KIAA1217: variants seen among roughly 807,000 people sequenced by gnomAD.
The protein encoded by KIAA1217 is KIAA1217.
Under a neutral mutation model 163.9 loss-of-function variants are expected in KIAA1217, and 88 were observed. The ratio of observed to expected loss-of-function variants is 0.54; its 90% CI spans 0.45 to 0.64. The LOEUF (loss-of-function observed/expected upper bound fraction) is 0.64, where lower values mean the gene tolerates loss of function less well. Among genes scored for constraint, KIAA1217 ranks in the 30% least tolerant of loss-of-function variants. KIAA1217 has a pLI of 0.00. For missense variants in KIAA1217, 2,372 were observed against 2,475.0 expected, an observed-to-expected ratio of 0.96 and a Z score of 0.88; for synonymous variants, 903 against 923.1, an observed-to-expected ratio of 0.98 and a Z score of 0.39.
At chr10:23,954,516 G>A (rs779619702) in intron 1 of KIAA1217, among the ~76,000 whole-genome samples, 5 of 151,934 alleles carry the variant, frequency 3.3e-5, no homozygotes, top group Non-Finnish European at 7.4e-5. Context: ...AGTGAGCCAT[G>A]AGCATGCCAC....
At chr10:24,240,385 T>C (rs1233675131) in intron 2 of KIAA1217, among the ~76,000 whole-genome samples, 1 of 152,220 alleles carries the variant, frequency 6.6e-6, no homozygotes, top group Admixed American at 6.5e-5. Flanking sequence ...TAGGAATAAG[T>C]GGATAGGCTT....
intron 1 of KIAA1217, among the ~76,000 whole-genome samples, chr10:23,700,830 C>A (rs1238353730): frequency 1.3e-5 from 2 of 152,184 alleles, no homozygotes; most frequent in Non-Finnish European, 2.9e-5. Flanking sequence ...CCTTTTAGCT[C>A]TTTGGCTATA....
intron 8 of KIAA1217, among the ~76,000 whole-genome samples, chr10:24,495,458 G>A (rs182823918): frequency 3.9e-5 from 6 of 152,162 alleles, no homozygotes; most frequent in South Asian, 2.1e-4. Context: ...TTGCAGACAC[G>A]GGGCTGCCTG....
At chr10:23,990,548 A>G (rs1846175619) in intron 1 of KIAA1217, among the ~76,000 whole-genome samples, 1 of 152,114 alleles carries the variant, frequency 6.6e-6, no homozygotes, top group Non-Finnish European at 1.5e-5. Flanking sequence ...TCTTCTAATG[A>G]TTAGTCATAT....
chr10:24,220,754 C>CG (rs1204074737), intron 2 of KIAA1217, among the ~76,000 whole-genome samples: 4 of 74,204 alleles, frequency 5.4e-5, no homozygotes, highest in Non-Finnish European at 9.5e-5. Context: ...GCACCCCGGC[C>CG]TTTTTTTTTT....
At chr10:23,855,228 A>C (rs1839587931) in intron 1 of KIAA1217, among the ~76,000 whole-genome samples, 1 of 152,132 alleles carries the variant, frequency 6.6e-6, no homozygotes, top group African/African-American at 2.4e-5. Flanking sequence ...AAAATCTCTC[A>C]GCATTTGCTT....
chr10:24,231,879 A>C (rs2071466895), intron 2 of KIAA1217, among the ~76,000 whole-genome samples: 1 of 151,532 alleles, frequency 6.6e-6, no homozygotes, highest in Non-Finnish European at 1.5e-5. Context: ...GCTCACTGCA[A>C]CCTCCACCTC....
intron 2 of KIAA1217, among the ~76,000 whole-genome samples, chr10:24,366,115 A>G (rs1189971474): frequency 6.6e-6 from 1 of 152,192 alleles, no homozygotes; most frequent in Non-Finnish European, 1.5e-5. Flanking sequence ...GTCACAAAAA[A>G]ATATTTCACT....
intron 8 of KIAA1217, among the ~76,000 whole-genome samples, chr10:24,500,346 C>T (rs896725427): frequency 5.0e-5 from 6 of 119,286 alleles, no homozygotes; most frequent in African/African-American, 1.7e-4. Context: ...TGTGTGTGTG[C>T]GTGTCTTTAT....
chr10:23,889,294 G>C (rs1255248399), intron 1 of KIAA1217, among the ~76,000 whole-genome samples: 1 of 151,780 alleles, frequency 6.6e-6, no homozygotes, highest in Non-Finnish European at 1.5e-5. Flanking sequence ...AGTTTCAGTA[G>C]CTCTTCATCC....
intron 2 of KIAA1217, among the ~76,000 whole-genome samples, chr10:24,351,637 G>T (rs575484365): frequency 6.6e-6 from 1 of 152,018 alleles, no homozygotes; most frequent in Non-Finnish European, 1.5e-5. Flanking sequence ...TTTTGCACCC[G>T]TTTTTTTCGT....
At chr10:24,338,303 C>A (rs964009038) in intron 2 of KIAA1217, among the ~76,000 whole-genome samples, 3 of 152,202 alleles carry the variant, frequency 2.0e-5, no homozygotes, top group African/African-American at 7.2e-5. Flanking sequence ...CAGGTGCATC[C>A]TCTGGTGTCT....
intron 2 of KIAA1217, among the ~76,000 whole-genome samples, chr10:24,299,157 G>C (rs2040987384): frequency 6.6e-6 from 1 of 152,130 alleles, no homozygotes; most frequent in African/African-American, 2.4e-5. Context: ...CTATCTTACT[G>C]GCTTTTAGAG....
At chr10:24,004,544 A>G (rs1022606002) in intron 1 of KIAA1217, among the ~76,000 whole-genome samples, 18 of 152,182 alleles carry the variant, frequency 1.2e-4, no homozygotes, top group African/African-American at 4.3e-4. Context: ...AATTCTCCAG[A>G]TTAGATTCTA....
At chr10:24,122,971 A>G (rs1391971965) in intron 2 of KIAA1217, among the ~76,000 whole-genome samples, 3 of 151,986 alleles carry the variant, frequency 2.0e-5, no homozygotes, top group African/African-American at 7.2e-5. Context: ...TATTTTGCAT[A>G]TATTAGTTCA....
At chr10:24,239,673 ATGTGTGTGTGTGTGTGTGTGTGTT>A (rs904138522) in intron 2 of KIAA1217, among the ~76,000 whole-genome samples, 5 of 147,644 alleles carry the variant, frequency 3.4e-5, no homozygotes, top group Admixed American at 6.8e-5. Flanking sequence ...TTATTCCCAG[ATGTGTGTGTGTGTGTGTGTGTGTT>A]TGTGTGTGTG....
At chr10:24,414,293 C>T (rs141441403) in intron 3 of KIAA1217, among the ~76,000 whole-genome samples, 1 of 152,266 alleles carries the variant, frequency 6.6e-6, no homozygotes, top group African/African-American at 2.4e-5. Flanking sequence ...GTTATATAAG[C>T]ATAATGTTTA....
rs950136420 is a variant in KIAA1217 at position 23,887,824 on chromosome 10, A to G, written c.-320-119401A>G. ...AACCTCCACCCCCAGAGAACCTGAA[A>G]TTTTAAAACAACTGGAAAGTTTTAC... On this transcript the variant is annotated intron_variant, in intron 1 of 18. Transcript: ENST00000376462. Among the ~76,000 whole-genome samples the G allele has an allele frequency of 3.9e-5, 6 of 152,092 alleles. No homozygotes were observed. In the East Asian group the frequency reaches 1.2e-3, roughly 30 times the overall value.
chr10:24,432,314 C>T (rs1054257026), intron 3 of KIAA1217, among the ~76,000 whole-genome samples: 25 of 151,032 alleles, frequency 1.7e-4, no homozygotes, highest in African/African-American at 6.1e-4. Flanking sequence ...GATGGGGTTT[C>T]ACCATGTTGG....
Sources: allele counts gnomAD v4.1 joint callset (sites outside exome capture counted in the v4.1 genomes callset), GRCh38; gene constraint gnomAD v4.1.1; transcripts MANE v1.5; gene names NCBI Gene and HGNC (gene_info 2026-07-23, HGNC 2026-07-21).